RALYL: variants seen among roughly 807,000 people sequenced by gnomAD.
The protein encoded by RALYL is RNA-binding Raly-like protein.
RALYL carries 29 observed loss-of-function variants against 35.1 expected under a neutral mutation model. The ratio of observed to expected loss-of-function variants is 0.83; its 90% CI spans 0.61 to 1.13. RALYL has a LOEUF of 1.13. Ranked by LOEUF, RALYL falls within the 50% of genes most tolerant of loss-of-function variation. The pLI is 0.00. For synonymous variants in RALYL, 120 were observed against 127.6 expected, an observed-to-expected ratio of 0.94 and a Z score of 0.40; for missense variants, 359 against 360.4, an observed-to-expected ratio of 1.00 and a Z score of 0.03.
At chr8:84,628,554 A>G (rs1448833817) in intron 2 of RALYL, among the ~76,000 whole-genome samples, 1 of 152,156 alleles carries the variant, frequency 6.6e-6, no homozygotes, top group Non-Finnish European at 1.5e-5. Context: ...GAGTAAATGA[A>G]TATATTTTTA....
At chr8:84,670,263 G>A (rs1368508548) in intron 2 of RALYL, among the ~76,000 whole-genome samples, 1 of 152,030 alleles carries the variant, frequency 6.6e-6, no homozygotes, top group East Asian at 1.9e-4. Flanking sequence ...AAGCTCTTTT[G>A]TTGTTTTTTA....
At chr8:84,474,148 T>C (rs1050325692) in intron 1 of RALYL, among the ~76,000 whole-genome samples, 2 of 152,108 alleles carry the variant, frequency 1.3e-5, no homozygotes, top group Non-Finnish European at 2.9e-5. Context: ...GTAGATACTA[T>C]CTTTAAAACA....
intron 4 of RALYL, among the ~76,000 whole-genome samples, chr8:84,846,488 C>A (rs898258088): frequency 6.6e-6 from 1 of 151,898 alleles, no homozygotes; most frequent in African/African-American, 2.4e-5. Context: ...TATTATTTTT[C>A]TTTGCCAGAT....
rs1223345792 is a variant in RALYL at position 84,206,555 on chromosome 8, C to A, written c.-24+22131C>A. 2.0e-5 allele frequency among the ~76,000 whole-genome samples: 3 copies of A among 151,984 alleles called. No homozygotes were observed. The East Asian group carries it at 5.8e-4, about 29-fold the overall frequency. On this transcript the variant is annotated intron_variant, in intron 1 of 8. Transcript: ENST00000521268. ...ATTCAATTAGAGGACAATATGAATTCCGTTTTTCAAGTGAGAGGTATGAGG... is the reference window on the plus strand; with the variant it reads ...ATTCAATTAGAGGACAATATGAATTACGTTTTTCAAGTGAGAGGTATGAGG...
At chr8:84,374,446 A>G (rs1856526286) in intron 1 of RALYL, among the ~76,000 whole-genome samples, 1 of 151,992 alleles carries the variant, frequency 6.6e-6, no homozygotes, top group Non-Finnish European at 1.5e-5. Context: ...AGCACTATTT[A>G]CAATAGCAAA....
chr8:84,742,218 G>T (rs1807538185), intron 2 of RALYL, among the ~76,000 whole-genome samples: 1 of 151,890 alleles, frequency 6.6e-6, no homozygotes, highest in Non-Finnish European at 1.5e-5. Context: ...TATATTCATG[G>T]ACATTTGGTT....
At chr8:84,707,561 T>C (rs1841438158) in intron 2 of RALYL, among the ~76,000 whole-genome samples, 1 of 152,074 alleles carries the variant, frequency 6.6e-6, no homozygotes, top group African/African-American at 2.4e-5. Flanking sequence ...AAATTGTGAA[T>C]TACATGAGAC....
intron 1 of RALYL, among the ~76,000 whole-genome samples, chr8:84,254,994 G>A (rs563431085): frequency 1.3e-5 from 2 of 152,036 alleles, no homozygotes; most frequent in South Asian, 2.1e-4. Flanking sequence ...TCTCCACCTC[G>A]TCTCTCCCTT....
chr8:84,827,218 A>T (rs1204997312), intron 4 of RALYL, among the ~76,000 whole-genome samples: 2 of 152,158 alleles, frequency 1.3e-5, no homozygotes, highest in East Asian at 3.9e-4. Context: ...TCAAGCTAAC[A>T]GTGTTTTCAC....
intron 2 of RALYL, among the ~76,000 whole-genome samples, chr8:84,660,236 T>C (rs1397762266): frequency 6.6e-6 from 1 of 152,104 alleles, no homozygotes; most frequent in Non-Finnish European, 1.5e-5. Context: ...TTATTTGAAT[T>C]TTCTCAATAA....
At chr8:84,910,310 G>T (rs879920710) in intron 8 of RALYL, among the ~76,000 whole-genome samples, 2 of 152,046 alleles carry the variant, frequency 1.3e-5, no homozygotes, top group South Asian at 2.1e-4. Context: ...TGAAGAAAAA[G>T]ATGTCAGAGA....
intron 1 of RALYL, among the ~76,000 whole-genome samples, chr8:84,523,348 G>A (rs933778083): frequency 6.8e-6 from 1 of 146,500 alleles, no homozygotes; most frequent in Non-Finnish European, 1.5e-5. Context: ...AACAGCATGG[G>A]GAAAAAAAAA....
chr8:84,828,176 A>G (rs545688528), intron 4 of RALYL, among the ~76,000 whole-genome samples: 1 of 152,274 alleles, frequency 6.6e-6, no homozygotes, highest in Non-Finnish European at 1.5e-5. Context: ...AAAAATAATT[A>G]ATTTTATGCA....
intron 2 of RALYL, among the ~76,000 whole-genome samples, chr8:84,738,382 G>A (rs1048713449): frequency 2.6e-5 from 4 of 151,940 alleles, no homozygotes; most frequent in African/African-American, 4.8e-5. Flanking sequence ...ATAGAACCAC[G>A]CTATGATCAA....
chr8:84,655,745 A>C (rs35584139), intron 2 of RALYL, among the ~76,000 whole-genome samples: 44,365 of 151,718 alleles, frequency 0.29, 7,182 homozygotes, highest in African/African-American at 0.43. Context: ...CTTTTTACTG[A>C]AATATATACC....
chr8:84,499,779 G>C (rs1227665735), intron 1 of RALYL, among the ~76,000 whole-genome samples: 1 of 152,022 alleles, frequency 6.6e-6, no homozygotes, highest in African/African-American at 2.4e-5. Context: ...ATTTGAAATA[G>C]GGTCTCACTC....
chr8:84,857,510 ATT>A (rs758165874), intron 5 of RALYL, among the ~76,000 whole-genome samples: 1 of 152,218 alleles, frequency 6.6e-6, no homozygotes, highest in Non-Finnish European at 1.5e-5. Flanking sequence ...CAACACACAT[ATT>A]ACATTTTTCA....
At chr8:84,643,619 G>C (rs970355994) in intron 2 of RALYL, among the ~76,000 whole-genome samples, 1 of 152,006 alleles carries the variant, frequency 6.6e-6, no homozygotes, top group Non-Finnish European at 1.5e-5. Flanking sequence ...GGAGCACACA[G>C]CAATCCCCAT....
At chr8:84,720,006 G>A (rs748098352) in intron 2 of RALYL, among the ~76,000 whole-genome samples, 1 of 151,940 alleles carries the variant, frequency 6.6e-6, no homozygotes, top group South Asian at 2.1e-4. Flanking sequence ...TTATATAAAC[G>A]ATATCATATT....
Sources: gnomAD v4.1 joint callset for allele counts (sites outside exome capture counted in the v4.1 genomes callset) on GRCh38, gnomAD v4.1.1 for gene constraint, MANE v1.5 for transcripts, NCBI Gene and HGNC (gene_info 2026-07-23, HGNC 2026-07-21) for gene names.